The following TMEM156 variants were observed in gnomAD, a reference collection of about 807,000 sequenced individuals.
TMEM156 encodes transmembrane protein 156.
Under a neutral mutation model 30.5 loss-of-function variants are expected in TMEM156, and 28 were observed. The observed-to-expected ratio is 0.92, with a 90% CI of 0.68 to 1.26. TMEM156 has a LOEUF of 1.26. Ranked by LOEUF, TMEM156 falls within the 50% of genes most tolerant of loss-of-function variation. The probability of loss-of-function intolerance (pLI) is 0.00; values close to 1 mark genes in which losing one functional copy is unlikely to be tolerated. For synonymous variants in TMEM156, 137 were observed against 119.9 expected, an observed-to-expected ratio of 1.14 and a Z score of -0.93; for missense variants, 351 against 340.6, an observed-to-expected ratio of 1.03 and a Z score of -0.24.
intron 1 of TMEM156, among the ~76,000 whole-genome samples, chr4:39,030,227 T>C (rs909024719): frequency 6.6e-6 from 1 of 151,356 alleles, no homozygotes; most frequent in South Asian, 2.1e-4. Context: ...TGGAGCATTA[T>C]CTATGCTGTT....
At chr4:39,012,338 GTCTA>G (rs911340394) in intron 1 of TMEM156, among the ~76,000 whole-genome samples, 34 of 152,110 alleles carry the variant, frequency 2.2e-4, no homozygotes, top group Middle Eastern at 3.4e-3. Flanking sequence ...ACATTATAAA[GTCTA>G]TCTGTCTCAG....
chr4:38,970,899 A>G (rs1207790477), intron 6 of TMEM156, 133 bp downstream of exon 6: 5 of 579,082 alleles, frequency 8.6e-6, no homozygotes, highest in Non-Finnish European at 6.2e-6. Context: ...CATCTAATTC[A>G]TATGAACTGA....
At chr4:38,975,240 T>C (rs1019381705) in intron 5 of TMEM156, among the ~76,000 whole-genome samples, 2 of 152,136 alleles carry the variant, frequency 1.3e-5, no homozygotes, top group African/African-American at 2.4e-5. Context: ...CACACATCCA[T>C]TGCATTTGAG....
intron 1 of TMEM156, among the ~76,000 whole-genome samples, chr4:39,031,905 A>AAAAAAAAAAAAC (rs60499521): frequency 1.2e-4 from 16 of 129,254 alleles, no homozygotes; most frequent in Non-Finnish European, 1.5e-4. Flanking sequence ...AAATAAAAAA[A>AAAAAAAAAAAAC]TAAAAAAAAA....
At chr4:38,978,110 C>T (rs1722967588) in intron 5 of TMEM156, among the ~76,000 whole-genome samples, 1 of 152,184 alleles carries the variant, frequency 6.6e-6, no homozygotes, top group Non-Finnish European at 1.5e-5. Context: ...CCATCTCCCA[C>T]CATGAAAGCT....
intron 1 of TMEM156, among the ~76,000 whole-genome samples, chr4:39,010,921 A>G (rs1305620626): frequency 6.6e-6 from 1 of 152,204 alleles, no homozygotes; most frequent in Non-Finnish European, 1.5e-5. Context: ...TTGGAACATT[A>G]TTAAACTAAA....
At chr4:38,998,324 A>C (rs1258005110) in intron 2 of TMEM156, 1 of 162,472 alleles carries the variant, frequency 6.2e-6, no homozygotes, top group African/African-American at 2.4e-5. Flanking sequence ...AGGTGAGTGG[A>C]TCACAAGGTC....
chr4:39,000,900 T>A (rs1158538593), intron 1 of TMEM156, among the ~76,000 whole-genome samples: 2 of 151,934 alleles, frequency 1.3e-5, no homozygotes, highest in East Asian at 1.9e-4. Context: ...TAAATTAATT[T>A]AATTAAATTA....
chr4:38,985,397 T>C (rs949336700), intron 5 of TMEM156, among the ~76,000 whole-genome samples: 1 of 152,144 alleles, frequency 6.6e-6, no homozygotes, highest in Admixed American at 6.5e-5. Context: ...TTGAGCTCCT[T>C]AGGTGCACTC....
Position 38,972,119 on chromosome 4 carries a change from G to C in TMEM156, c.824-982C>G, listed in dbSNP as rs540386721. On this transcript the variant is annotated intron_variant, in intron 5 of 6. Coordinates refer to ENST00000381938, the MANE Select transcript of TMEM156 (RefSeq NM_024943.3). ...GACCTACAATTTAAAGAGAAGTTTG[G>C]GTGGTTGCTACTTAAGAAGAGAAAT... 3.7e-3 allele frequency among the ~76,000 whole-genome samples: 563 copies of C among 152,062 alleles called. 6 individuals are homozygous for C. Among genetic ancestry groups the C allele is most frequent in the Admixed American group, 5.9e-3 (90 of 15,264 alleles).
intron 2 of TMEM156, chr4:38,998,400 C>T (rs894958661): frequency 1.5e-5 from 3 of 201,284 alleles, no homozygotes; most frequent in African/African-American, 2.4e-5. Flanking sequence ...AAAAATTAGC[C>T]GGGTGTGGTG....
intron 2 of TMEM156, among the ~76,000 whole-genome samples, chr4:38,996,257 A>T (rs958722321): frequency 1.7e-5 from 2 of 117,858 alleles, no homozygotes; most frequent in Non-Finnish European, 3.6e-5. Context: ...GATGACCATT[A>T]CTAAGAAAAA....
intron 5 of TMEM156, among the ~76,000 whole-genome samples, chr4:38,981,397 GA>G (rs1192888564): frequency 6.6e-6 from 1 of 152,114 alleles, no homozygotes; most frequent in Admixed American, 6.5e-5. Context: ...TTAATTGCAA[GA>G]AAATTTCAGC....
intron 5 of TMEM156, among the ~76,000 whole-genome samples, chr4:38,984,418 T>C (rs1711817684): frequency 6.6e-6 from 1 of 151,224 alleles, no homozygotes; most frequent in Admixed American, 6.6e-5. Context: ...CATGAACAAA[T>C]GGAGAGACAT....
intron 1 of TMEM156, among the ~76,000 whole-genome samples, chr4:39,024,227 G>A (rs1715059177): frequency 4.6e-5 from 7 of 152,088 alleles, no homozygotes; most frequent in Admixed American, 4.6e-4. Flanking sequence ...GTAGAGATGT[G>A]GTTTCACCAT....
chr4:39,018,334 C>A lies in TMEM156; in HGVS notation c.88+13892G>T, dbSNP rs560796811. 4.6e-5 allele frequency among the ~76,000 whole-genome samples: 7 copies of A among 152,280 alleles called. No homozygotes were observed. In the South Asian group the frequency reaches 1.4e-3, roughly 32 times the overall value. On this transcript the variant is annotated intron_variant, in intron 1 of 6. Coordinates refer to ENST00000381938, the MANE Select transcript of TMEM156 (RefSeq NM_024943.3). ...ATTTTGGTTCTATCTTGTTTTTTCACTGACATACAAATTAGTTGAGTTTTT... is the reference window on the plus strand; with the variant it reads ...ATTTTGGTTCTATCTTGTTTTTTCAATGACATACAAATTAGTTGAGTTTTT...
chr4:38,981,899 C>G (rs1276497093), intron 5 of TMEM156, among the ~76,000 whole-genome samples: 1 of 152,060 alleles, frequency 6.6e-6, no homozygotes, highest in East Asian at 1.9e-4. Context: ...AATGGCTGAC[C>G]CGTAGTCAGT....
At chr4:38,983,287 C>T (rs911143955) in intron 5 of TMEM156, among the ~76,000 whole-genome samples, 1 of 152,168 alleles carries the variant, frequency 6.6e-6, no homozygotes, top group African/African-American at 2.4e-5. Flanking sequence ...GTCAAGTGGG[C>T]TTCTATCATT....
chr4:38,988,540 T>C (rs149491862), intron 4 of TMEM156, among the ~76,000 whole-genome samples: 1 of 152,278 alleles, frequency 6.6e-6, no homozygotes, highest in African/African-American at 2.4e-5. Context: ...CCTGAAATTC[T>C]TTATCCCCAC....
Sources: allele counts gnomAD v4.1 joint callset (sites outside exome capture counted in the v4.1 genomes callset), GRCh38; gene constraint gnomAD v4.1.1; transcripts MANE v1.5; gene names NCBI Gene and HGNC (gene_info 2026-07-23, HGNC 2026-07-21).